RBFOX3: variants seen among roughly 807,000 people sequenced by gnomAD.
RBFOX3 encodes the protein RNA binding protein fox-1 homolog 3.
RBFOX3 carries 17 observed loss-of-function variants against 48.7 expected under a neutral mutation model. The observed-to-expected ratio is 0.35, with a 90% CI of 0.24 to 0.52. The LOEUF is 0.52. Among genes scored for constraint, RBFOX3 ranks in the 20% least tolerant of loss-of-function variants. RBFOX3 has a pLI of 0.94. For missense variants in RBFOX3, 382 were observed against 497.5 expected (o/e 0.77, Z 2.21); for synonymous variants, 212 against 209.5 (o/e 1.01, Z -0.10).
At chr17:79,454,811 T>C (rs2149190486) in intron 2 of RBFOX3, among the ~76,000 whole-genome samples, 1 of 152,310 alleles carries the variant, frequency 6.6e-6, no homozygotes, top group South Asian at 2.1e-4. Context: ...TGACATGAGC[T>C]GAGCCAGGGT....
chr17:79,355,194 C>G (rs1349682115), intron 2 of RBFOX3, among the ~76,000 whole-genome samples: 1 of 152,212 alleles, frequency 6.6e-6, no homozygotes, highest in African/African-American at 2.4e-5. Flanking sequence ...TCGGGGGTCC[C>G]TGTTCAGAGC....
the RBFOX3 span, among the ~76,000 whole-genome samples, chr17:79,656,664 G>GAAAT: frequency 1.3e-4 from 14 of 110,086 alleles, no homozygotes; most frequent in African/African-American, 5.3e-4. Flanking sequence ...AGGAAGAGAA[G>GAAAT]AAAGGAAAGA....
At chr17:79,288,881 C>T (rs1474036867) in intron 3 of RBFOX3, among the ~76,000 whole-genome samples, 2 of 152,188 alleles carry the variant, frequency 1.3e-5, no homozygotes, top group African/African-American at 2.4e-5. Flanking sequence ...AGAAGGAACA[C>T]TGCATGAAAA....
chr17:79,130,669 C>T (rs968567991), intron 4 of RBFOX3, among the ~76,000 whole-genome samples: 4 of 152,250 alleles, frequency 2.6e-5, no homozygotes, highest in Non-Finnish European at 4.4e-5. Context: ...CAGGCCTCGG[C>T]ATGCAGCCTG....
intron 3 of RBFOX3, among the ~76,000 whole-genome samples, chr17:79,256,849 G>A (rs1047033649): frequency 3.9e-5 from 6 of 152,074 alleles, no homozygotes; most frequent in Admixed American, 1.3e-4. Flanking sequence ...TTGAACCTGG[G>A]AGGTGGAGGT....
chr17:79,520,351 C>T (rs1025272647), intron 1 of RBFOX3, among the ~76,000 whole-genome samples: 59 of 152,296 alleles, frequency 3.9e-4, no homozygotes, highest in African/African-American at 1.2e-3. Context: ...CCTGCATCTC[C>T]GGGGACAGCA....
chr17:79,399,956 C>T (rs1010546969), intron 2 of RBFOX3, among the ~76,000 whole-genome samples: 3 of 152,344 alleles, frequency 2.0e-5, no homozygotes, highest in African/African-American at 7.2e-5. Context: ...CTGGAGATAT[C>T]CAGGTTCACC....
At chr17:79,434,604 C>A (rs951620620) in intron 2 of RBFOX3, among the ~76,000 whole-genome samples, 4 of 152,214 alleles carry the variant, frequency 2.6e-5, no homozygotes, top group Admixed American at 1.3e-4. Context: ...TTTCAGGCAA[C>A]ATGCCTCTCT....
rs1008414564 is a variant in RBFOX3, at chr17:79,525,352, G to A, written c.-319-42754C>T. ...TAAAGCACCACAGGCACATCATGGGGCAAGAATCACCATTCTCCTAAAAAA... is the reference window on the plus strand; with the variant it reads ...TAAAGCACCACAGGCACATCATGGGACAAGAATCACCATTCTCCTAAAAAA... On this transcript the variant is annotated intron_variant, in intron 1 of 14. Coordinates refer to ENST00000693108, the MANE Select transcript of RBFOX3 (RefSeq NM_001350451.2). Among the ~76,000 whole-genome samples, 34 of 152,266 alleles carry A rather than the reference G, an allele frequency of 2.2e-4. 1 individual carries two copies. Among genetic ancestry groups the A allele is most frequent in the African/African-American group, 7.9e-4 (33 of 41,548 alleles).
At chr17:79,470,286 G>C (rs1403952535) in intron 2 of RBFOX3, among the ~76,000 whole-genome samples, 2 of 152,124 alleles carry the variant, frequency 1.3e-5, no homozygotes, top group African/African-American at 4.8e-5. Context: ...TCCTGGCCCC[G>C]GTGGCCAAAA....
intron 3 of RBFOX3, among the ~76,000 whole-genome samples, chr17:79,271,864 G>A (rs1293372738): frequency 6.6e-6 from 1 of 152,220 alleles, no homozygotes; most frequent in Non-Finnish European, 1.5e-5. Context: ...GGAGTTCCCC[G>A]GGGGCTCCCC....
chr17:79,566,491 G>T (rs1396604588), intron 1 of RBFOX3, among the ~76,000 whole-genome samples: 1 of 152,212 alleles, frequency 6.6e-6, no homozygotes, highest in Non-Finnish European at 1.5e-5. Flanking sequence ...GCATCCTGGG[G>T]TGGGCCAGGG....
intron 2 of RBFOX3, among the ~76,000 whole-genome samples, chr17:79,437,157 C>T (rs933865347): frequency 6.6e-6 from 1 of 152,272 alleles, no homozygotes; most frequent in Admixed American, 6.5e-5. Flanking sequence ...CCCATGCTGA[C>T]CTCATCGCCA....
At chr17:79,213,461 G>A (rs2147184921) in intron 4 of RBFOX3, among the ~76,000 whole-genome samples, 1 of 152,348 alleles carries the variant, frequency 6.6e-6, no homozygotes, top group South Asian at 2.1e-4. Flanking sequence ...AGCCAGACGG[G>A]GGAGGGTGAG....
intron 3 of RBFOX3, among the ~76,000 whole-genome samples, chr17:79,248,497 G>A (rs933154176): frequency 2.6e-5 from 4 of 152,318 alleles, no homozygotes; most frequent in Admixed American, 2.6e-4. Context: ...CTACCCGGGA[G>A]GAGGCTCAAA....
At chr17:79,375,585 G>A (rs1392803352) in intron 2 of RBFOX3, among the ~76,000 whole-genome samples, 4 of 152,198 alleles carry the variant, frequency 2.6e-5, no homozygotes, top group Non-Finnish European at 5.9e-5. Context: ...CTCAGGGTGG[G>A]ACACACAGGT....
At chr17:79,383,888 G>A (rs919365784) in intron 2 of RBFOX3, among the ~76,000 whole-genome samples, 15 of 152,150 alleles carry the variant, frequency 9.9e-5, no homozygotes, top group African/African-American at 3.4e-4. Context: ...TTATTTCAGA[G>A]GTGTAGTGGC....
intron 1 of RBFOX3, among the ~76,000 whole-genome samples, chr17:79,562,088 A>G (rs1470049798): frequency 6.6e-6 from 1 of 152,264 alleles, no homozygotes; most frequent in Admixed American, 6.5e-5. Flanking sequence ...TGTGACATGC[A>G]TTAGCAAATT....
At chr17:79,262,153 G>A (rs1009651349) in intron 3 of RBFOX3, among the ~76,000 whole-genome samples, 10 of 152,354 alleles carry the variant, frequency 6.6e-5, no homozygotes, top group East Asian at 5.8e-4. Flanking sequence ...AAAGCCTCTC[G>A]TGGCCACAGC....
Sources: gnomAD v4.1 joint callset for allele counts (sites outside exome capture counted in the v4.1 genomes callset) on GRCh38, gnomAD v4.1.1 for gene constraint, MANE v1.5 for transcripts, NCBI Gene and HGNC (gene_info 2026-07-23, HGNC 2026-07-21) for gene names.